PDSS2: variants seen among roughly 807,000 people sequenced by gnomAD.
The protein encoded by PDSS2 is all trans-polyprenyl-diphosphate synthase PDSS2.
In PDSS2, 31 loss-of-function variants were observed where a neutral mutation model predicts 44.5. The observed-to-expected ratio is 0.70, with a 90% CI of 0.52 to 0.94. The LOEUF is 0.94. PDSS2 is among the 40% of genes least tolerant of loss of function. PDSS2 has a pLI of 0.00. For synonymous variants in PDSS2, 157 were observed against 180.3 expected, an observed-to-expected ratio of 0.87 and a Z score of 1.03; for missense variants, 452 against 482.2, an observed-to-expected ratio of 0.94 and a Z score of 0.59.
intron 2 of PDSS2, among the ~76,000 whole-genome samples, chr6:107,325,315 G>A (rs746686685): frequency 6.6e-6 from 1 of 152,150 alleles, no homozygotes; most frequent in Non-Finnish European, 1.5e-5. Flanking sequence ...GGTGTTTCTT[G>A]ACTTACAATG....
At chr6:107,392,023 CTAATGGGAAACATTTCTTTA>C (rs1283686119) in intron 1 of PDSS2, among the ~76,000 whole-genome samples, 2 of 152,012 alleles carry the variant, frequency 1.3e-5, no homozygotes, top group Admixed American at 1.3e-4. Context: ...AGCCATTTTA[CTAATGGGAAACATTTCTTTA>C]TAAAAAAAAC....
chr6:107,224,953 C>CAGT (rs1773736540), intron 4 of PDSS2, among the ~76,000 whole-genome samples: 2 of 149,740 alleles, frequency 1.3e-5, no homozygotes, highest in South Asian at 4.2e-4. Context: ...GCCACGGCTA[C>CAGT]AGTCATATGA....
rs1300681834 is a variant in PDSS2 at position 107,342,992 on chromosome 6, A to C, written c.297-8660T>G. Among the ~76,000 whole-genome samples the C allele has an allele frequency of 3.3e-5, 5 of 152,126 alleles. No homozygotes were observed. In the East Asian group the frequency reaches 9.6e-4, roughly 29 times the overall value. ...GATTTTATTTTTATTTTTTTAATTTATTTCTTTTTTAATGGAGATGGCAAT... is the reference window on the plus strand; with the variant it reads ...GATTTTATTTTTATTTTTTTAATTTCTTTCTTTTTTAATGGAGATGGCAAT... On this transcript the variant is annotated intron_variant, in intron 1 of 7. Transcript: ENST00000369037.
chr6:107,457,134 C>A (rs1372098777), intron 1 of PDSS2, among the ~76,000 whole-genome samples: 1 of 152,062 alleles, frequency 6.6e-6, no homozygotes, highest in Non-Finnish European at 1.5e-5. Flanking sequence ...TATTTGATAA[C>A]TTTTGTAGTA....
chr6:107,296,742 A>C (rs1776521792), intron 2 of PDSS2, among the ~76,000 whole-genome samples: 1 of 152,296 alleles, frequency 6.6e-6, no homozygotes, highest in Non-Finnish European at 1.5e-5. Flanking sequence ...AAATAAATAA[A>C]ATAAAACAAA....
intron 3 of PDSS2, among the ~76,000 whole-genome samples, chr6:107,250,189 C>A (rs994127610): frequency 4.0e-5 from 6 of 150,744 alleles, no homozygotes; most frequent in African/African-American, 1.5e-4. Flanking sequence ...GACCCCCCCC[C>A]GCAAAAAAAT....
intron 4 of PDSS2, among the ~76,000 whole-genome samples, chr6:107,242,409 G>T (rs1457729309): frequency 6.6e-6 from 1 of 151,660 alleles, no homozygotes; most frequent in Non-Finnish European, 1.5e-5. Context: ...GACCACAGGC[G>T]CCCGCCACTG....
chr6:107,394,597 T>C lies in PDSS2; in HGVS notation c.297-60265A>G, dbSNP rs1324157486. 2.6e-5 allele frequency among the ~76,000 whole-genome samples: 4 copies of C among 152,126 alleles called. No individual in the cohort carries two copies. In the East Asian group the frequency reaches 7.7e-4, roughly 29 times the overall value. On this transcript the variant is annotated intron_variant, in intron 1 of 7. Transcript: ENST00000369037. The stretch of plus-strand genomic sequence containing the variant: ...CAGGTCACATCTCCAACACTGAGGA[T>C]TACAATTCAACATGGGATTTGGGTG...
intron 2 of PDSS2, among the ~76,000 whole-genome samples, chr6:107,321,935 T>C (rs1185173931): frequency 6.6e-6 from 1 of 152,178 alleles, no homozygotes; most frequent in Non-Finnish European, 1.5e-5. Context: ...CTTCCACCCC[T>C]GCAAACTGAT....
At chr6:107,400,573 CAAGAG>C (rs1048322291) in intron 1 of PDSS2, among the ~76,000 whole-genome samples, 24 of 152,110 alleles carry the variant, frequency 1.6e-4, no homozygotes, top group Non-Finnish European at 1.5e-4. Flanking sequence ...CAGCTTGCTG[CAAGAG>C]GTGGTCTGCA....
chr6:107,274,354 T>C lies in PDSS2; in HGVS notation c.432-127A>G, dbSNP rs1775704899. The C allele has an allele frequency of 6.8e-6, 5 of 738,638 alleles. No individual in the cohort carries two copies. The East Asian group carries it at 1.3e-4, about 20-fold the overall frequency. 45.8% of individuals were successfully genotyped at this position (738,638 alleles called of 1,614,324 possible). A position where few individuals can be genotyped will look rare whatever the true frequency, so the allele number is the denominator to read the frequency against. ...CCACTTTTTTTTTTGGATTATATCT[T>C]TCTAATGAATCTTTAAATAGAGGTC... On this transcript the variant is annotated intron_variant, in intron 2 of 7. Transcript: ENST00000369037.
At chr6:107,451,022 G>T (rs1781849804) in intron 1 of PDSS2, among the ~76,000 whole-genome samples, 1 of 152,176 alleles carries the variant, frequency 6.6e-6, no homozygotes, top group Non-Finnish European at 1.5e-5. Flanking sequence ...TGTAGAGACA[G>T]CATTTTGCCA....
chr6:107,250,184 C>A (rs1774766964), intron 3 of PDSS2, among the ~76,000 whole-genome samples: 1 of 151,112 alleles, frequency 6.6e-6, no homozygotes, highest in Non-Finnish European at 1.5e-5. Flanking sequence ...ATACTGACCC[C>A]CCCCCGCAAA....
intron 1 of PDSS2, among the ~76,000 whole-genome samples, chr6:107,377,138 A>G (rs2114432557): frequency 1.4e-5 from 2 of 141,836 alleles, no homozygotes; most frequent in South Asian, 5.8e-4. Context: ...CAACCTACTC[A>G]TCAGACAAAG....
intron 7 of PDSS2, among the ~76,000 whole-genome samples, chr6:107,184,875 C>A: frequency 6.6e-6 from 1 of 150,730 alleles, no homozygotes. Flanking sequence ...GCAATTATTT[C>A]TCTGTGCTTA....
At chr6:107,450,317 T>C (rs559003587) in intron 1 of PDSS2, among the ~76,000 whole-genome samples, 5 of 152,214 alleles carry the variant, frequency 3.3e-5, no homozygotes, top group African/African-American at 1.2e-4. Flanking sequence ...ACAGTATATA[T>C]GTAGAGGATA....
chr6:107,164,835 C>A (rs1771282729), intron 7 of PDSS2, among the ~76,000 whole-genome samples: 2 of 152,196 alleles, frequency 1.3e-5, no homozygotes, highest in African/African-American at 2.4e-5. Context: ...CCTGTTGTTT[C>A]CTGACTTCTT....
intron 4 of PDSS2, among the ~76,000 whole-genome samples, chr6:107,242,845 A>G (rs1044321940): frequency 6.6e-5 from 10 of 152,188 alleles, no homozygotes; most frequent in African/African-American, 2.4e-4. Context: ...TCCATTATTA[A>G]AAAAGAATGG....
At chr6:107,328,864 C>T (rs954659404) in intron 2 of PDSS2, among the ~76,000 whole-genome samples, 1 of 152,190 alleles carries the variant, frequency 6.6e-6, no homozygotes, top group African/African-American at 2.4e-5. Flanking sequence ...CACTGAACAC[C>T]TAGTTACAAC....
Sources: gnomAD v4.1 joint callset for allele counts (sites outside exome capture counted in the v4.1 genomes callset) on GRCh38, gnomAD v4.1.1 for gene constraint, MANE v1.5 for transcripts, NCBI Gene and HGNC (gene_info 2026-07-23, HGNC 2026-07-21) for gene names.